Variants in DAW1 observed in about 807,000 individuals in gnomAD.
DAW1 encodes dynein assembly factor with WD repeat domains 1.
In DAW1, 47 loss-of-function variants were observed where a neutral mutation model predicts 56.5. The observed-to-expected ratio is 0.83, with a 90% CI of 0.66 to 1.06. The LOEUF is 1.06. DAW1 is among the 50% of genes least tolerant of loss of function. The pLI, the probability that DAW1 is intolerant of heterozygous loss-of-function variation, is 0.00. For synonymous variants in DAW1, 190 were observed against 179.0 expected (o/e 1.06, Z -0.49); for missense variants, 505 against 499.3 (o/e 1.01, Z -0.11).
In DAW1 at chr2:227,891,232, A is replaced by G. The variant is rs375511075; in HGVS notation, c.259-23A>G. 24 of 1,605,668 alleles carry G rather than the reference A, an allele frequency of 1.5e-5. No individual in the cohort carries two copies. In the Admixed American group the frequency reaches 3.2e-4, roughly 22 times the overall value. ...AATTTAATTTGGTTTGAGTCTAAAAAATGGTGTTTTCTTTCACTGAAGGTT... is the reference window on the plus strand; with the variant it reads ...AATTTAATTTGGTTTGAGTCTAAAAGATGGTGTTTTCTTTCACTGAAGGTT... On this transcript the variant is annotated intron_variant, in intron 3 of 12. Coordinates refer to ENST00000309931, the MANE Select transcript of DAW1 (RefSeq NM_178821.3).
chr2:227,913,765 T>C (rs1691883602), intron 10 of DAW1, among the ~76,000 whole-genome samples: 1 of 152,094 alleles, frequency 6.6e-6, no homozygotes, highest in African/African-American at 2.4e-5. Flanking sequence ...TATGCATATG[T>C]CATGCTCTTT....
intron 8 of DAW1, 108 bp from the exon 9 acceptor site, chr2:227,906,128 A>G (rs1334837656): frequency 1.9e-5 from 14 of 750,360 alleles, no homozygotes; most frequent in Non-Finnish European, 2.0e-5. Flanking sequence ...TTATTTTGTA[A>G]AAACCAGATT....
chr2:227,883,402 T>G (rs1691054306), intron 1 of DAW1, among the ~76,000 whole-genome samples: 1 of 152,238 alleles, frequency 6.6e-6, no homozygotes, highest in Non-Finnish European at 1.5e-5. Flanking sequence ...TCAGTATTTT[T>G]CAAATGTCCA....
intron 4 of DAW1, 99 bp from the exon 5 acceptor site, chr2:227,893,696 A>G: frequency 6.7e-7 from 1 of 1,489,222 alleles, no homozygotes; most frequent in South Asian, 1.4e-5. Context: ...ACAAACAAAC[A>G]GCATAATAAA....
chr2:227,924,165 G>A lies in DAW1; in HGVS notation c.*197G>A. 3.2e-6 allele frequency: 2 copies of A among 630,628 alleles called. No individual in the cohort carries two copies. Among genetic ancestry groups the A allele is most frequent in the South Asian group, 2.2e-5 (1 of 45,862 alleles). The allele number at this position is 630,628 out of a possible 1,614,324, so 39.1% of individuals were successfully genotyped here. A position where few individuals can be genotyped will look rare whatever the true frequency, so the allele number is the denominator to read the frequency against. ...TGCCACTCCAATATTATTATTTGAT[G>A]GCGATGGCAGGACACAGCATAATGT... On this transcript the variant is annotated 3_prime_UTR_variant, in exon 13 of 13. Coordinates refer to ENST00000309931, the MANE Select transcript of DAW1 (RefSeq NM_178821.3).
rs181454196 is a variant in DAW1 at position 227,873,585 on chromosome 2, C to T, written c.40+1856C>T. 5.9e-4 allele frequency among the ~76,000 whole-genome samples: 90 copies of T among 152,254 alleles called. No homozygotes were observed. The East Asian group carries it at 0.016, about 27-fold the overall frequency. On this transcript the variant is annotated intron_variant, in intron 1 of 12. Coordinates refer to ENST00000309931, the MANE Select transcript of DAW1 (RefSeq NM_178821.3). ...GCTACTTTCTCCAATGGGAAGTTGA[C>T]ATTTGTAGAAAAGACATGCATTTTC...
At chr2:227,923,793 C>G (rs1181862618) in intron 12 of DAW1, 141 bp from the exon 13 acceptor site, 2 of 911,806 alleles carry the variant, frequency 2.2e-6, no homozygotes, top group Admixed American at 4.6e-5. Flanking sequence ...TGCTCAGAGA[C>G]TCTGCAGCTA....
At chr2:227,873,754 G>A (rs1042372984) in intron 1 of DAW1, among the ~76,000 whole-genome samples, 4 of 152,136 alleles carry the variant, frequency 2.6e-5, no homozygotes, top group Admixed American at 6.5e-5. Context: ...GTGCAGTGGT[G>A]CAATCCAACT....
At chr2:227,895,776 A>C (rs1691391618) in intron 5 of DAW1, among the ~76,000 whole-genome samples, 1 of 152,210 alleles carries the variant, frequency 6.6e-6, no homozygotes, top group Non-Finnish European at 1.5e-5. Flanking sequence ...TTTGGGAACA[A>C]AAAGGGGAAA....
At chr2:227,912,530 G>T in intron 10 of DAW1, 2 of 1,267,496 alleles carry the variant, frequency 1.6e-6, no homozygotes, top group South Asian at 2.6e-5. Context: ...GCACTGTCTA[G>T]TATGTCTGTT....
At chr2:227,921,672 C>A in intron 12 of DAW1, 111 bp downstream of exon 12, 2 of 1,192,636 alleles carry the variant, frequency 1.7e-6, no homozygotes, top group Non-Finnish European at 2.3e-6. Context: ...TTTCTGGAGT[C>A]ACTAGCTCAT....
intron 12 of DAW1, among the ~76,000 whole-genome samples, chr2:227,923,246 C>T (rs528517887): frequency 2.0e-4 from 30 of 152,256 alleles, no homozygotes; most frequent in South Asian, 6.2e-4. Context: ...CTCTATTTTC[C>T]GAGTGGACCC....
rs1198112004 is a variant in DAW1 at position 227,918,783 on chromosome 2, C to A, written c.977C>A (p.Thr326Lys). The A allele has an allele frequency of 6.2e-7, 1 of 1,613,942 alleles. No individual in the cohort carries two copies. The highest frequency in any genetic ancestry group is 2.2e-5 in the East Asian group (1 of 44,866). ...KLIATASADG[T>K]ARIFSAATRK... ...TATCCCCACCCCTCTCAAAAAGGAA[C>A]AGCAAGAATTTTCAGTGCTGCCACA... The change falls in exon 11 of 13, where the codon ACA becomes AAA. Residue 326 changes from threonine (T) to lysine (K), a missense_variant. Transcript: ENST00000309931.
At chr2:227,904,811 T>G (rs111315414) in intron 7 of DAW1, 118 bp from the exon 8 acceptor site, 292 of 884,034 alleles carry the variant, frequency 3.3e-4, no homozygotes, top group Non-Finnish European at 4.4e-4. Context: ...AGCCAACCGC[T>G]GACCTCCGTT....
At chr2:227,898,542 A>C (rs969655540) in intron 6 of DAW1, among the ~76,000 whole-genome samples, 2 of 152,038 alleles carry the variant, frequency 1.3e-5, no homozygotes, top group Non-Finnish European at 2.9e-5. Flanking sequence ...GGATGGTCTC[A>C]ATCTCTTGAC....
chr2:227,883,916 A>C (rs1442537299), intron 1 of DAW1, among the ~76,000 whole-genome samples: 1 of 152,208 alleles, frequency 6.6e-6, no homozygotes, highest in African/African-American at 2.4e-5. Context: ...TATGGAAAAA[A>C]ACCAAAAACT....
chr2:227,894,487 C>T (rs1197460214), intron 5 of DAW1, among the ~76,000 whole-genome samples: 1 of 152,120 alleles, frequency 6.6e-6, no homozygotes, highest in Non-Finnish European at 1.5e-5. Context: ...AGCTGGAGTT[C>T]GTGCTCAGGC....
intron 10 of DAW1, among the ~76,000 whole-genome samples, chr2:227,915,378 T>C (rs181728791): frequency 2.3e-4 from 35 of 152,268 alleles, no homozygotes; most frequent in African/African-American, 8.2e-4. Flanking sequence ...TTAAGTACTA[T>C]GTATATGCTA....
At chr2:227,912,124 C>G in intron 10 of DAW1, 8 of 362,220 alleles carry the variant, frequency 2.2e-5, no homozygotes, top group South Asian at 1.7e-4. Flanking sequence ...ACTATACTGA[C>G]TTATGTGTGT....
Sources: gnomAD v4.1 joint callset for allele counts (sites outside exome capture counted in the v4.1 genomes callset) on GRCh38, gnomAD v4.1.1 for gene constraint, MANE v1.5 for transcripts, NCBI Gene and HGNC (gene_info 2026-07-23, HGNC 2026-07-21) for gene names.